POU6F2: variants seen among roughly 807,000 people sequenced by gnomAD.
The protein encoded by POU6F2 is POU domain, class 6, transcription factor 2.
POU6F2 carries 31 observed loss-of-function variants against 71.3 expected under a neutral mutation model. That is an observed-to-expected ratio of 0.43 (90% CI 0.33 to 0.59). The LOEUF is 0.59. Among genes scored for constraint, POU6F2 ranks in the 20% least tolerant of loss-of-function variants. The pLI is 0.04. For synonymous variants in POU6F2, 347 were observed against 355.7 expected (o/e 0.98, Z 0.27); for missense variants, 783 against 856.8 (o/e 0.91, Z 1.07).
At chr7:39,099,426 T>C (rs1487956564) in intron 2 of POU6F2, among the ~76,000 whole-genome samples, 1 of 152,204 alleles carries the variant, frequency 6.6e-6, no homozygotes, top group Non-Finnish European at 1.5e-5. Context: ...CACTTCTATC[T>C]CTCTGCCTTG....
At chr7:39,113,430 T>A (rs1334608021) in intron 2 of POU6F2, among the ~76,000 whole-genome samples, 2 of 152,054 alleles carry the variant, frequency 1.3e-5, no homozygotes, top group East Asian at 3.9e-4. Context: ...AACTTCATGT[T>A]TTCTCCCCAA....
intron 2 of POU6F2, among the ~76,000 whole-genome samples, chr7:39,107,849 G>T (rs1040858482): frequency 6.6e-6 from 1 of 152,114 alleles, no homozygotes; most frequent in African/African-American, 2.4e-5. Flanking sequence ...CCATCCCCAA[G>T]AAGACTCCAC....
intron 1 of POU6F2, among the ~76,000 whole-genome samples, chr7:39,025,084 C>A (rs1789769679): frequency 6.6e-6 from 1 of 152,026 alleles, no homozygotes; most frequent in African/African-American, 2.4e-5. Context: ...GGAATGGTAC[C>A]AGTTCCTCCT....
At chr7:39,179,013 T>A (rs947778151) in intron 2 of POU6F2, among the ~76,000 whole-genome samples, 1 of 152,194 alleles carries the variant, frequency 6.6e-6, no homozygotes, top group African/African-American at 2.4e-5. Context: ...CTATAGGTTC[T>A]GCTCTGGAGC....
intron 4 of POU6F2, among the ~76,000 whole-genome samples, chr7:39,308,587 A>G (rs1260954887): frequency 6.6e-6 from 1 of 152,146 alleles, no homozygotes; most frequent in African/African-American, 2.4e-5. Context: ...CAGAATTCCA[A>G]CTGGAATATC....
At chr7:39,407,716 T>C (rs910913243) in intron 6 of POU6F2, among the ~76,000 whole-genome samples, 1 of 152,112 alleles carries the variant, frequency 6.6e-6, no homozygotes, top group Non-Finnish European at 1.5e-5. Flanking sequence ...GGCATTTTGA[T>C]GTCTTGAACC....
intron 2 of POU6F2, among the ~76,000 whole-genome samples, chr7:39,196,741 A>G (rs1793794733): frequency 6.6e-6 from 1 of 152,098 alleles, no homozygotes; most frequent in Admixed American, 6.5e-5. Flanking sequence ...CCTGGGCCAC[A>G]GAGCGAGACT....
rs115008343 is a variant in POU6F2, at chr7:39,208,329, T to C, written c.598+709T>C. On this transcript the variant is annotated intron_variant, in intron 4 of 9. Coordinates refer to ENST00000518318, the MANE Select transcript of POU6F2 (RefSeq NM_001370959.1). ...AGATTCTGTCAGAGGAGTAATTATTTTGGTGGAAAATGACCTGAATATAAA... is the reference window on the plus strand; with the variant it reads ...AGATTCTGTCAGAGGAGTAATTATTCTGGTGGAAAATGACCTGAATATAAA... Among the ~76,000 whole-genome samples, 1,517 of 152,300 alleles carry C rather than the reference T, an allele frequency of 1.0e-2. 24 individuals carry two copies. The highest frequency in any genetic ancestry group is 0.035 in the African/African-American group (1,451 of 41,554).
intron 5 of POU6F2, chr7:39,373,766 G>A: frequency 3.2e-6 from 1 of 314,358 alleles, no homozygotes; most frequent in South Asian, 3.0e-5. Context: ...AAAAATCAAG[G>A]TGTTGAGAGA....
At chr7:39,449,802 G>A (rs1390698831) in intron 7 of POU6F2, among the ~76,000 whole-genome samples, 1 of 152,114 alleles carries the variant, frequency 6.6e-6, no homozygotes, top group Non-Finnish European at 1.5e-5. Context: ...ACCAAGGCAT[G>A]CAACAAAATG....
At chr7:38,999,272 A>T (rs1788831386) in intron 1 of POU6F2, among the ~76,000 whole-genome samples, 1 of 152,100 alleles carries the variant, frequency 6.6e-6, no homozygotes. Flanking sequence ...TAGCTACTGG[A>T]GGCAGGGGCC....
Position 39,300,596 on chromosome 7 carries a change from C to T in POU6F2, c.599-39046C>T, listed in dbSNP as rs1186942478. 2.0e-5 allele frequency among the ~76,000 whole-genome samples: 3 copies of T among 152,150 alleles called. No individual in the cohort carries two copies. The East Asian group carries it at 5.8e-4, about 29-fold the overall frequency. ...GTTCTGGAGACGCAAAGTCTGCAAT[C>T]GAGGTGTCAGCAGGGGTGGCTCCTT... On this transcript the variant is annotated intron_variant, in intron 4 of 9. Transcript: ENST00000518318.
chr7:39,107,524 T>A (rs1309228675), intron 2 of POU6F2, among the ~76,000 whole-genome samples: 1 of 152,226 alleles, frequency 6.6e-6, no homozygotes, highest in Non-Finnish European at 1.5e-5. Flanking sequence ...AATTTGTTTA[T>A]ACGTGGCAGA....
chr7:39,081,068 A>G (rs1053311089), intron 1 of POU6F2, among the ~76,000 whole-genome samples: 9 of 152,224 alleles, frequency 5.9e-5, no homozygotes, highest in African/African-American at 1.2e-4. Context: ...TAAAAATTAT[A>G]TGAAAGTACA....
At chr7:39,265,497 T>C (rs1242375042) in intron 4 of POU6F2, among the ~76,000 whole-genome samples, 2 of 152,246 alleles carry the variant, frequency 1.3e-5, no homozygotes, top group Non-Finnish European at 2.9e-5. Flanking sequence ...AACGTTTACA[T>C]GTGCATTTCA....
At chr7:39,357,622 A>G (rs1186526395) in intron 5 of POU6F2, among the ~76,000 whole-genome samples, 3 of 152,184 alleles carry the variant, frequency 2.0e-5, no homozygotes. Context: ...GCCCATCACC[A>G]TGCCACCTCC....
intron 2 of POU6F2, among the ~76,000 whole-genome samples, chr7:39,169,362 GAGA>G (rs1438338967): frequency 6.6e-6 from 1 of 152,072 alleles, no homozygotes; most frequent in Admixed American, 6.6e-5. Flanking sequence ...AAGTCTTTGG[GAGA>G]AGAACTGTTA....
intron 1 of POU6F2, among the ~76,000 whole-genome samples, chr7:39,001,782 T>C (rs1788919792): frequency 6.6e-6 from 1 of 151,912 alleles, no homozygotes; most frequent in African/African-American, 2.4e-5. Context: ...GTGATAGTGA[T>C]GGTGATGTAA....
At chr7:39,078,379 T>A (rs1239526403) in intron 1 of POU6F2, among the ~76,000 whole-genome samples, 1 of 152,134 alleles carries the variant, frequency 6.6e-6, no homozygotes, top group Non-Finnish European at 1.5e-5. Flanking sequence ...GTGGGGAAGG[T>A]CTCCAAAATA....
Sources: allele counts gnomAD v4.1 joint callset (sites outside exome capture counted in the v4.1 genomes callset), GRCh38; gene constraint gnomAD v4.1.1; transcripts MANE v1.5; gene names NCBI Gene and HGNC (gene_info 2026-07-23, HGNC 2026-07-21).